The following OTUB2 variants were observed in gnomAD, a reference collection of about 807,000 sequenced individuals.
OTUB2 encodes the protein OTU deubiquitinase, ubiquitin aldehyde binding 2, also known as ubiquitin thioesterase OTUB2.
In OTUB2, 21 loss-of-function variants were observed where a neutral mutation model predicts 25.1. The ratio of observed to expected loss-of-function variants is 0.84; its 90% CI spans 0.59 to 1.21. The LOEUF (loss-of-function observed/expected upper bound fraction) is 1.21. Ranked by LOEUF, OTUB2 falls within the 50% of genes most tolerant of loss-of-function variation. The pLI, the probability that OTUB2 is intolerant of heterozygous loss-of-function variation, is 0.00. For missense variants in OTUB2, 283 were observed against 298.0 expected (o/e 0.95, Z 0.37); for synonymous variants, 122 against 122.8 (o/e 0.99, Z 0.04).
intron 1 of OTUB2, among the ~76,000 whole-genome samples, chr14:94,031,670 G>C (rs768428716): frequency 5.3e-5 from 8 of 152,162 alleles, no homozygotes; most frequent in Non-Finnish European, 1.0e-4. Flanking sequence ...TGAACACAAA[G>C]CCCACGTCCT....
At chr14:94,027,101 T>G (rs771119251) in intron 1 of OTUB2, among the ~76,000 whole-genome samples, 4 of 152,112 alleles carry the variant, frequency 2.6e-5, no homozygotes, top group Admixed American at 6.5e-5. Context: ...GTGAGGCGCA[T>G]GAGTTAGGGG....
At chr14:94,038,741 G>A (rs1421015739) in intron 2 of OTUB2, among the ~76,000 whole-genome samples, 8 of 152,164 alleles carry the variant, frequency 5.3e-5, no homozygotes, top group East Asian at 1.9e-4. Context: ...CTTCCCTCCC[G>A]GACCGTAGGC....
rs1944919073 is a variant in OTUB2, at chr14:94,046,293, A to G, written c.*371A>G. The G allele has an allele frequency of 1.5e-5, 5 of 324,762 alleles. No individual in the cohort carries two copies. The highest frequency in any genetic ancestry group is 1.5e-4 in the South Asian group (4 of 26,976). The allele number at this position is 324,762 out of a possible 1,614,324, so 20.1% of individuals were successfully genotyped here. The stretch of plus-strand genomic sequence containing the variant: ...CCTCTGGTGTCTCTTTACCAGGGGC[A>G]GTGCCTCTCTGCGGGGGAGGAAAAG... On this transcript the variant is annotated 3_prime_UTR_variant, in exon 6 of 6. Transcript: ENST00000203664.
At chr14:94,039,834 CCATGGGCCCTCCT>C (rs1384333642) in intron 3 of OTUB2, among the ~76,000 whole-genome samples, 1 of 152,168 alleles carries the variant, frequency 6.6e-6, no homozygotes, top group African/African-American at 2.4e-5. Flanking sequence ...TTGGTGAGGG[CCATGGGCCCTCCT>C]CATCTGAGAC....
intron 1 of OTUB2, among the ~76,000 whole-genome samples, chr14:94,035,089 C>G (rs1006630124): frequency 1.3e-5 from 2 of 152,082 alleles, no homozygotes; most frequent in Admixed American, 6.5e-5. Flanking sequence ...TTTGCCAGCC[C>G]ACGCTATGAT....
intron 1 of OTUB2, among the ~76,000 whole-genome samples, chr14:94,029,825 G>A (rs948457077): frequency 2.0e-5 from 3 of 152,198 alleles, no homozygotes; most frequent in African/African-American, 4.8e-5. Context: ...AGGGAGCCGG[G>A]CAGCATGCGG....
In OTUB2 at chr14:94,043,963, CT is replaced by C; in HGVS notation, c.219-7del. 1.2e-6 allele frequency: 2 copies of C among 1,613,508 alleles called. No homozygotes were observed. The highest frequency in any genetic ancestry group is 1.7e-6 in the Non-Finnish European group (2 of 1,179,376). ...TCCCTGTAAACACTCAGTCTTCCCC[CT>C]CTGTAGGTTCAAAGAACGCGTACTG... On this transcript the variant is annotated splice_region_variant and splice_polypyrimidine_tract_variant and intron_variant, in intron 3 of 5. Transcript: ENST00000203664.
chr14:94,045,603 T>A (rs1293282794), intron 5 of OTUB2, 113 bp from the exon 6 acceptor site: 8 of 1,028,672 alleles, frequency 7.8e-6, no homozygotes, highest in Non-Finnish European at 1.1e-5. Flanking sequence ...GTTGTGAAGA[T>A]GACGTCCCAG....
At chr14:94,036,722 G>A (rs1241232704) in intron 1 of OTUB2, among the ~76,000 whole-genome samples, 1 of 152,190 alleles carries the variant, frequency 6.6e-6, no homozygotes, top group Non-Finnish European at 1.5e-5. Context: ...GAGCTGGGCT[G>A]TAGTGTAAAC....
chr14:94,036,809 G>T (rs1203478209), intron 1 of OTUB2, among the ~76,000 whole-genome samples: 1 of 152,070 alleles, frequency 6.6e-6, no homozygotes, highest in South Asian at 2.1e-4. Flanking sequence ...ACCTTCTCTG[G>T]CATCTCCATG....
intron 5 of OTUB2, 73 bp from the exon 6 acceptor site, chr14:94,045,643 C>A: frequency 6.9e-7 from 1 of 1,445,260 alleles, no homozygotes; most frequent in Non-Finnish European, 9.5e-7. Context: ...ACCCTGAGAG[C>A]CAGAGCTGAA....
chr14:94,041,970 T>C (rs929058907), intron 3 of OTUB2, among the ~76,000 whole-genome samples: 1 of 152,234 alleles, frequency 6.6e-6, no homozygotes, highest in Non-Finnish European at 1.5e-5. Flanking sequence ...GTCAGCGTCA[T>C]GCATCCTCCA....
intron 3 of OTUB2, among the ~76,000 whole-genome samples, chr14:94,040,990 G>A (rs1375422275): frequency 6.6e-6 from 1 of 152,228 alleles, no homozygotes; most frequent in Non-Finnish European, 1.5e-5. Context: ...CGCAGCACGG[G>A]GGACCTGCCC....
rs115448366 is a variant in OTUB2, at chr14:94,040,636, G to A, written c.218+1555G>A. Among the ~76,000 whole-genome samples the A allele has an allele frequency of 6.6e-3, 999 of 152,262 alleles. 9 individuals are homozygous for A. Among genetic ancestry groups the A allele is most frequent in the African/African-American group, 0.023 (949 of 41,552 alleles). On this transcript the variant is annotated intron_variant, in intron 3 of 5. Coordinates refer to ENST00000203664, the MANE Select transcript of OTUB2 (RefSeq NM_023112.4). Reference sequence around the variant, plus strand: ...CACGTGCTCTGTTTACCTTCACTCCGTCCTGTCTCCCCACTCCAGTCAGCA... The same window carrying A: ...CACGTGCTCTGTTTACCTTCACTCCATCCTGTCTCCCCACTCCAGTCAGCA...
chr14:94,033,204 C>T (rs190126129), intron 1 of OTUB2, among the ~76,000 whole-genome samples: 1 of 152,266 alleles, frequency 6.6e-6, no homozygotes, highest in East Asian at 1.9e-4. Flanking sequence ...GCCACCGAGC[C>T]CGGCCCTATG....
At chr14:94,042,967 C>T (rs1035258285) in intron 3 of OTUB2, among the ~76,000 whole-genome samples, 3 of 152,216 alleles carry the variant, frequency 2.0e-5, no homozygotes, top group Admixed American at 6.5e-5. Flanking sequence ...AGGCACCTCA[C>T]CCTGCAATCA....
chr14:94,045,128 T>G (rs1885245164), intron 5 of OTUB2, among the ~76,000 whole-genome samples: 1 of 152,216 alleles, frequency 6.6e-6, no homozygotes, highest in Non-Finnish European at 1.5e-5. Flanking sequence ...AATTAGGCAC[T>G]TTTCATATGA....
At chr14:94,030,819 A>T (rs60715053) in intron 1 of OTUB2, among the ~76,000 whole-genome samples, 1 of 148,836 alleles carries the variant, frequency 6.7e-6, no homozygotes, top group Non-Finnish European at 1.5e-5. Flanking sequence ...AGTGATGGGG[A>T]GGGTGGGGGC....
intron 1 of OTUB2, among the ~76,000 whole-genome samples, chr14:94,032,046 G>A (rs542138085): frequency 6.6e-6 from 1 of 152,338 alleles, no homozygotes; most frequent in Non-Finnish European, 1.5e-5. Flanking sequence ...CCGGGAGCTT[G>A]AGTCTCTGGT....
Sources: gnomAD v4.1 joint callset for allele counts (sites outside exome capture counted in the v4.1 genomes callset) on GRCh38, gnomAD v4.1.1 for gene constraint, MANE v1.5 for transcripts, NCBI Gene and HGNC (gene_info 2026-07-23, HGNC 2026-07-21) for gene names.